The following DLG1 variants were observed in gnomAD, a reference collection of about 807,000 sequenced individuals.
DLG1 encodes the protein discs large MAGUK scaffold protein 1.
DLG1 carries 42 observed loss-of-function variants against 123.4 expected under a neutral mutation model. The observed-to-expected ratio is 0.34, with a 90% confidence interval of 0.27 to 0.44. The LOEUF (loss-of-function observed/expected upper bound fraction) is 0.44, where lower values mean the gene tolerates loss of function less well. Ranked by LOEUF, DLG1 falls within the 20% of genes least tolerant of loss-of-function variation. The pLI is 1.00. For synonymous variants in DLG1, 317 were observed against 356.2 expected, an observed-to-expected ratio of 0.89 and a Z score of 1.24; for missense variants, 942 against 1,082.6, an observed-to-expected ratio of 0.87 and a Z score of 1.82.
chr3:197,186,085 G>C (rs968149377), intron 5 of DLG1, among the ~76,000 whole-genome samples: 3 of 152,070 alleles, frequency 2.0e-5, no homozygotes, highest in Admixed American at 6.6e-5. Context: ...TCAAGTTTTG[G>C]GAAAGACTTC....
rs1469873082 is a variant in DLG1 at position 197,081,206 on chromosome 3, G to A, written c.1839-89C>T. 2.8e-5 allele frequency: 35 copies of A among 1,244,718 alleles called. No individual in the cohort carries two copies. In the East Asian group the frequency reaches 8.2e-4, roughly 29 times the overall value. The allele number at this position is 1,244,718 out of a possible 1,614,324, so 77.1% of individuals were successfully genotyped here. ...AACCAGAATTGTTATCTTTATAATG[G>A]GCATTTTTATACTCTAAAACCTTTA... On this transcript the variant is annotated intron_variant, in intron 16 of 24. Coordinates refer to ENST00000667157, the MANE Select transcript of DLG1 (RefSeq NM_001366207.1).
chr3:197,291,602 T>A (rs1025642843), intron 3 of DLG1, among the ~76,000 whole-genome samples: 1 of 152,230 alleles, frequency 6.6e-6, no homozygotes, highest in Admixed American at 6.5e-5. Flanking sequence ...GTATTCTTTA[T>A]CAGATTAAAA....
intron 4 of DLG1, among the ~76,000 whole-genome samples, chr3:197,236,225 A>T (rs6806751): frequency 0.018 from 2,762 of 152,244 alleles, 86 homozygotes; most frequent in African/African-American, 0.063. Flanking sequence ...AAGCAGGAGG[A>T]TCACTTAAGC....
intron 4 of DLG1, among the ~76,000 whole-genome samples, chr3:197,270,832 G>C (rs1374528217): frequency 6.6e-6 from 1 of 152,168 alleles, no homozygotes; most frequent in Non-Finnish European, 1.5e-5. Context: ...TGTGAGGTCT[G>C]CTTACCAAAA....
intron 15 of DLG1, among the ~76,000 whole-genome samples, chr3:197,087,921 G>A (rs888733508): frequency 6.6e-6 from 1 of 152,200 alleles, no homozygotes; most frequent in Non-Finnish European, 1.5e-5. Flanking sequence ...AGTCTCCAGA[G>A]AAATTGAATT....
At chr3:197,260,958 CT>C (rs986641724) in intron 4 of DLG1, among the ~76,000 whole-genome samples, 3 of 151,832 alleles carry the variant, frequency 2.0e-5, no homozygotes, top group Admixed American at 6.6e-5. Context: ...TAAAACTTGC[CT>C]TTTTTTCTTT....
intron 5 of DLG1, among the ~76,000 whole-genome samples, chr3:197,160,583 T>C (rs1191026146): frequency 1.3e-5 from 2 of 152,252 alleles, no homozygotes; most frequent in African/African-American, 2.4e-5. Flanking sequence ...AATCAAAAAT[T>C]ATATAGTAGC....
chr3:197,161,809 T>A (rs1798889676), intron 5 of DLG1: 2 of 921,522 alleles, frequency 2.2e-6, no homozygotes, highest in Non-Finnish European at 3.3e-6. Flanking sequence ...CAAAAAGCTG[T>A]GCCATAAAGA....
At chr3:197,144,566 A>G (rs542904390) in intron 6 of DLG1, among the ~76,000 whole-genome samples, 2 of 152,328 alleles carry the variant, frequency 1.3e-5, no homozygotes, top group African/African-American at 4.8e-5. Flanking sequence ...GCAATGATAG[A>G]TAACTGCAAG....
intron 8 of DLG1, among the ~76,000 whole-genome samples, chr3:197,138,759 T>C (rs1227432954): frequency 2.0e-5 from 3 of 152,298 alleles, no homozygotes; most frequent in East Asian, 1.9e-4. Context: ...AGGCACTTTC[T>C]TGGTATTTTA....
chr3:197,094,297 G>A (rs1442255422), intron 14 of DLG1, among the ~76,000 whole-genome samples: 3 of 152,162 alleles, frequency 2.0e-5, no homozygotes, highest in African/African-American at 7.2e-5. Context: ...TATTAAGCTT[G>A]GGGTAGTATC....
chr3:197,263,659 T>C (rs779375874), intron 4 of DLG1, among the ~76,000 whole-genome samples: 8 of 152,118 alleles, frequency 5.3e-5, no homozygotes, highest in African/African-American at 1.7e-4. Context: ...TGGTGGCGCA[T>C]GCCTGTAATC....
chr3:197,173,968 A>G (rs773227417), intron 5 of DLG1, among the ~76,000 whole-genome samples: 9 of 152,184 alleles, frequency 5.9e-5, no homozygotes, highest in Non-Finnish European at 1.0e-4. Flanking sequence ...CTGTAATCCC[A>G]GCTACTTAGG....
chr3:197,210,687 A>G (rs1344194823), intron 4 of DLG1, among the ~76,000 whole-genome samples: 8 of 143,500 alleles, frequency 5.6e-5, no homozygotes, highest in Non-Finnish European at 1.1e-4. Flanking sequence ...AAAGAATTCA[A>G]TCTGTTACCA....
intron 3 of DLG1, among the ~76,000 whole-genome samples, chr3:197,290,425 A>T (rs1465357229): frequency 1.3e-5 from 2 of 150,706 alleles, no homozygotes; most frequent in Non-Finnish European, 1.5e-5. Context: ...CACAAGGGGT[A>T]AAAAACAATG....
At chr3:197,271,676 G>A (rs1476607896) in intron 4 of DLG1, among the ~76,000 whole-genome samples, 1 of 152,124 alleles carries the variant, frequency 6.6e-6, no homozygotes, top group Non-Finnish European at 1.5e-5. Flanking sequence ...GGACAATTTT[G>A]AATAGAGATT....
intron 5 of DLG1, among the ~76,000 whole-genome samples, chr3:197,160,440 A>G (rs2149880472): frequency 6.6e-6 from 1 of 151,996 alleles, no homozygotes; most frequent in East Asian, 1.9e-4. Context: ...ATGCCATAAT[A>G]ACCCTTAAAC....
At chr3:197,195,191 C>A (rs543655509) in intron 4 of DLG1, among the ~76,000 whole-genome samples, 1 of 151,328 alleles carries the variant, frequency 6.6e-6, no homozygotes, top group Admixed American at 6.6e-5. Flanking sequence ...CCATCACCCT[C>A]GAATAAACCT....
chr3:197,277,120 G>A (rs979168884), intron 4 of DLG1, among the ~76,000 whole-genome samples: 1 of 151,856 alleles, frequency 6.6e-6, no homozygotes, highest in East Asian at 1.9e-4. Flanking sequence ...TCGAACTTCT[G>A]AGCTTAAGCG....
Sources: gnomAD v4.1 joint callset for allele counts (sites outside exome capture counted in the v4.1 genomes callset) on GRCh38, gnomAD v4.1.1 for gene constraint, MANE v1.5 for transcripts, NCBI Gene and HGNC (gene_info 2026-07-23, HGNC 2026-07-21) for gene names.